Variants in DSE observed in about 807,000 individuals in gnomAD.
DSE encodes the protein dermatan-sulfate epimerase.
In DSE, 36 loss-of-function variants were observed where a neutral mutation model predicts 84.4. That is an observed-to-expected ratio of 0.43 (90% CI 0.33 to 0.56). The LOEUF is 0.56. DSE is among the 20% of genes least tolerant of loss of function. DSE has a pLI of 0.06. For synonymous variants in DSE, 410 were observed against 430.1 expected (o/e 0.95, Z 0.58); for missense variants, 862 against 1,169.6 (o/e 0.74, Z 3.84).
At chr6:116,395,226 C>T in intron 1 of DSE, among the ~76,000 whole-genome samples, 1 of 150,056 alleles carries the variant, frequency 6.7e-6, no homozygotes, top group East Asian at 1.9e-4. Flanking sequence ...GAGAGCGAGA[C>T]CATCCTGGCT....
At chr6:116,276,561 C>G (rs10484838) in intron 2 of DSE, 84,552 of 152,034 alleles carry the variant, frequency 0.56, 24,327 homozygotes, top group East Asian at 0.94. Flanking sequence ...TAGTTAACAT[C>G]AATTTAAGGA....
chr6:116,374,880 C>G (rs546759530), intron 1 of DSE, among the ~76,000 whole-genome samples: 4 of 152,176 alleles, frequency 2.6e-5, no homozygotes, highest in East Asian at 1.9e-4. Context: ...CCTTTCAATA[C>G]TGCCACATCC....
rs1326191968 is a variant in DSE, at chr6:116,431,014, T to G, written c.731T>G (p.Leu244Arg). The change falls in exon 4 of 6, where the codon CTG becomes CGG. Residue 244 changes from leucine to arginine, a missense_variant. Transcript: ENST00000644252. ...KQVLTIMEKS[L>R]VLLREVTDGS... ...GTTCTGACCATCATGGAGAAATCTC[T>G]GGTCTTGCTCAGGGAGGTGACGGAT... 1 of 1,614,094 alleles carries G rather than the reference T, an allele frequency of 6.2e-7. No individual in the cohort carries two copies. Among genetic ancestry groups the G allele is most frequent in the East Asian group, 2.2e-5 (1 of 44,900 alleles).
chr6:116,257,992 G>T (rs1407358323), intron 1 of DSE, among the ~76,000 whole-genome samples: 1 of 152,098 alleles, frequency 6.6e-6, no homozygotes, highest in Non-Finnish European at 1.5e-5. Flanking sequence ...ACAGTTCTCA[G>T]CTCATCAGAT....
Position 116,439,212 on chromosome 6 carries a change from A to T in DSE, c.*1867A>T, listed in dbSNP as rs777883385. 5.3e-5 allele frequency: 8 copies of T among 152,194 alleles called. No homozygotes were observed. The highest frequency in any genetic ancestry group is 8.8e-5 in the Non-Finnish European group (6 of 68,032). The allele number at this position is 152,194 out of a possible 1,614,324, so 9.4% of individuals were successfully genotyped here. A position where few individuals can be genotyped will look rare whatever the true frequency, so the allele number is the denominator to read the frequency against. ...AAAAGGAAAATTATTCTTTGAGGTT[A>T]CCAAGCAAACCTGATCTCAGATCCA... On this transcript the variant is annotated 3_prime_UTR_variant, in exon 6 of 6. Transcript: ENST00000644252.
chr6:116,268,417 A>T (rs111762856), intron 2 of DSE, among the ~76,000 whole-genome samples: 6,227 of 152,308 alleles, frequency 0.041, 424 homozygotes, highest in African/African-American at 0.14. Context: ...TGTTTGCACA[A>T]TGATGAAATT....
intron 2 of DSE, among the ~76,000 whole-genome samples, chr6:116,353,736 T>TA (rs1392490193): frequency 6.6e-6 from 1 of 152,228 alleles, no homozygotes; most frequent in Admixed American, 6.5e-5. Flanking sequence ...ATTGGACACT[T>TA]ACTGTTGTCA....
intron 2 of DSE, among the ~76,000 whole-genome samples, chr6:116,313,659 A>G (rs1023361760): frequency 2.6e-5 from 4 of 152,204 alleles, no homozygotes; most frequent in African/African-American, 9.6e-5. Context: ...TCATTTTTGT[A>G]TCTTAAAAGC....
chr6:116,265,104 A>C (rs1186822004), intron 2 of DSE, among the ~76,000 whole-genome samples: 6 of 152,080 alleles, frequency 3.9e-5, no homozygotes, highest in Non-Finnish European at 8.8e-5. Context: ...AGCAGGTGCC[A>C]TGCTAGCAGG....
intron 2 of DSE, among the ~76,000 whole-genome samples, chr6:116,340,022 T>C (rs9320559): frequency 0.046 from 6,951 of 152,166 alleles, 519 homozygotes; most frequent in African/African-American, 0.15. Context: ...GAAAAAGGAT[T>C]GAGGAAGGAA....
At chr6:116,376,628 A>G (rs756278939) in intron 1 of DSE, among the ~76,000 whole-genome samples, 15 of 152,242 alleles carry the variant, frequency 9.9e-5, no homozygotes, top group African/African-American at 1.4e-4. Flanking sequence ...CCCTTGGAAT[A>G]TTTTGTAAAC....
intron 1 of DSE, among the ~76,000 whole-genome samples, chr6:116,395,947 ATTTCT>A (rs1401107135): frequency 6.6e-6 from 1 of 152,142 alleles, no homozygotes; most frequent in Admixed American, 6.5e-5. Flanking sequence ...GTTAGATTTA[ATTTCT>A]TTTCTTTTTA....
chr6:116,389,067 T>G (rs1209653282), intron 1 of DSE, among the ~76,000 whole-genome samples: 2 of 152,206 alleles, frequency 1.3e-5, no homozygotes, highest in East Asian at 3.8e-4. Flanking sequence ...CGTTTCCTCC[T>G]GGGGTCATGG....
At chr6:116,357,507 G>C (rs1379845568) in intron 2 of DSE, among the ~76,000 whole-genome samples, 5 of 151,048 alleles carry the variant, frequency 3.3e-5, no homozygotes, top group Non-Finnish European at 5.9e-5. Context: ...ACTCCAGCCT[G>C]GGTGACAGAG....
intron 1 of DSE, among the ~76,000 whole-genome samples, chr6:116,372,662 C>T (rs984218716): frequency 2.6e-5 from 4 of 152,112 alleles, no homozygotes; most frequent in Non-Finnish European, 5.9e-5. Context: ...TTGACGGTCA[C>T]GATACAGATA....
At chr6:116,347,317 A>G (rs1447941022) in intron 2 of DSE, among the ~76,000 whole-genome samples, 2 of 152,204 alleles carry the variant, frequency 1.3e-5, no homozygotes, top group Non-Finnish European at 1.5e-5. Flanking sequence ...TGCCAAGACA[A>G]TCCTAAGCAA....
At chr6:116,327,017 A>C (rs1341647294) in intron 2 of DSE, among the ~76,000 whole-genome samples, 1 of 152,192 alleles carries the variant, frequency 6.6e-6, no homozygotes, top group Non-Finnish European at 1.5e-5. Context: ...TATGATCTTC[A>C]AATATTCAGG....
intron 2 of DSE, among the ~76,000 whole-genome samples, chr6:116,320,805 C>G (rs1776260590): frequency 6.6e-6 from 1 of 152,154 alleles, no homozygotes; most frequent in Admixed American, 6.5e-5. Context: ...AGGGTCTACC[C>G]TAACGACCTA....
intron 2 of DSE, among the ~76,000 whole-genome samples, chr6:116,318,089 A>G (rs1383178228): frequency 6.6e-6 from 1 of 152,186 alleles, no homozygotes; most frequent in Non-Finnish European, 1.5e-5. Context: ...GGAGTGGACA[A>G]ATATATATTG....
Sources: gnomAD v4.1 joint callset for allele counts (sites outside exome capture counted in the v4.1 genomes callset) on GRCh38, gnomAD v4.1.1 for gene constraint, MANE v1.5 for transcripts, NCBI Gene and HGNC (gene_info 2026-07-23, HGNC 2026-07-21) for gene names.